Variants in KCNH8 observed in about 807,000 individuals in gnomAD.
KCNH8 encodes voltage-gated delayed rectifier potassium channel KCNH8.
Under a neutral mutation model 103.6 loss-of-function variants are expected in KCNH8, and 70 were observed. The observed-to-expected ratio is 0.68, with a 90% CI of 0.56 to 0.82. KCNH8 has a LOEUF of 0.82. Among genes scored for constraint, KCNH8 ranks in the 40% least tolerant of loss-of-function variants. The pLI, the probability that KCNH8 is intolerant of heterozygous loss-of-function variation, is 0.00. For missense variants in KCNH8, 1,217 were observed against 1,329.9 expected (o/e 0.92, Z 1.32); for synonymous variants, 498 against 489.4 (o/e 1.02, Z -0.23).
intron 1 of KCNH8, among the ~76,000 whole-genome samples, chr3:19,205,698 G>A (rs2063707706): frequency 6.6e-6 from 1 of 151,920 alleles, no homozygotes; most frequent in Non-Finnish European, 1.5e-5. Flanking sequence ...TCTGTGAAAA[G>A]TCTAAAAATA....
intron 5 of KCNH8, among the ~76,000 whole-genome samples, chr3:19,353,568 G>C (rs931780136): frequency 2.6e-5 from 4 of 152,110 alleles, no homozygotes; most frequent in South Asian, 4.1e-4. Context: ...GGGATGCAAG[G>C]CTTGTTCAAC....
chr3:19,232,557 A>G (rs2064008444), intron 1 of KCNH8, among the ~76,000 whole-genome samples: 1 of 152,200 alleles, frequency 6.6e-6, no homozygotes, highest in African/African-American at 2.4e-5. Context: ...TAAAAATTAG[A>G]AAAAGGTACT....
At chr3:19,499,648 A>G (rs1242425588) in intron 11 of KCNH8, among the ~76,000 whole-genome samples, 1 of 152,202 alleles carries the variant, frequency 6.6e-6, no homozygotes, top group East Asian at 1.9e-4. Context: ...ATTCTTAAGG[A>G]AAAGAATTTT....
At chr3:19,379,625 C>T (rs2125123548) in intron 5 of KCNH8, among the ~76,000 whole-genome samples, 1 of 150,334 alleles carries the variant, frequency 6.7e-6, no homozygotes, top group African/African-American at 2.5e-5. Flanking sequence ...GGTGACAGAG[C>T]AACACTCTGT....
At chr3:19,522,333 T>C (rs2068985858) in intron 15 of KCNH8, among the ~76,000 whole-genome samples, 2 of 151,616 alleles carry the variant, frequency 1.3e-5, no homozygotes, top group Non-Finnish European at 3.0e-5. Context: ...GCCAGTGGTG[T>C]CAGTTCCATT....
intron 1 of KCNH8, among the ~76,000 whole-genome samples, chr3:19,228,746 A>C (rs1416115486): frequency 1.3e-5 from 2 of 152,240 alleles, no homozygotes; most frequent in African/African-American, 4.8e-5. Flanking sequence ...AAAGCAGATA[A>C]AAAGTAGAAC....
At chr3:19,289,122 A>G (rs2064879834) in intron 3 of KCNH8, among the ~76,000 whole-genome samples, 2 of 152,022 alleles carry the variant, frequency 1.3e-5, no homozygotes, top group Non-Finnish European at 2.9e-5. Flanking sequence ...GATTCTGGAT[A>G]TTAGCCCTTT....
chr3:19,363,705 AG>A (rs894288106), intron 5 of KCNH8, among the ~76,000 whole-genome samples: 4 of 152,138 alleles, frequency 2.6e-5, no homozygotes, highest in African/African-American at 9.7e-5. Context: ...GCCCCCAAAA[AG>A]GTACTTTAAT....
intron 11 of KCNH8, among the ~76,000 whole-genome samples, chr3:19,479,602 C>T (rs1421289009): frequency 1.3e-5 from 2 of 152,100 alleles, no homozygotes; most frequent in African/African-American, 4.8e-5. Flanking sequence ...CCCATTACCA[C>T]CTGCCATGGG....
intron 7 of KCNH8, among the ~76,000 whole-genome samples, chr3:19,434,962 T>A (rs1167138537): frequency 6.6e-6 from 1 of 152,122 alleles, no homozygotes; most frequent in African/African-American, 2.4e-5. Flanking sequence ...ACGAGATAAC[T>A]ATACAAATGA....
At position 19,184,554 on chromosome 3, in the gene KCNH8, A is replaced by G. The variant is rs145287538; in HGVS notation, c.76+35759A>G. On this transcript the variant is annotated intron_variant, in intron 1 of 15. Transcript: ENST00000328405. ...TGGCTGACAAAAATACATTCTTTAT[A>G]ACTTTACGAATGATAATGATATTTC... Among the ~76,000 whole-genome samples, 13 of 152,156 alleles carry G rather than the reference A, an allele frequency of 8.5e-5. No homozygotes were observed. The East Asian group carries it at 2.5e-3, about 29-fold the overall frequency.
rs1404359742 is a variant in KCNH8, at chr3:19,451,183, G to A, written c.1604G>A (p.Arg535His). The change falls in exon 10 of 16, where the codon CGT becomes CAT. Residue 535 changes from arginine (R) to histidine (H), a missense_variant. By Grantham distance (29) the Arg-to-His change is conservative. This residue lies in a region of KCNH8 where 415 missense variants were observed against 577.4 expected (regional missense o/e 0.72). Transcript: ENST00000328405. ...ELLKDFPDEL[R>H]SDITMHLNKE... ...TTGAAAGACTTTCCAGATGAACTGC[G>A]TTCTGACATCACTATGCACTTGAAC... is the stretch of plus-strand genomic sequence containing the variant. The A allele has an allele frequency of 1.1e-5, 18 of 1,613,724 alleles. No individual in the cohort carries two copies. Among genetic ancestry groups the A allele is most frequent in the Non-Finnish European group, 1.4e-5 (16 of 1,179,746 alleles).
intron 3 of KCNH8, among the ~76,000 whole-genome samples, chr3:19,291,542 A>T (rs1436111535): frequency 2.0e-5 from 3 of 152,168 alleles, no homozygotes; most frequent in Non-Finnish European, 4.4e-5. Flanking sequence ...GTTTCCATGT[A>T]GTTGAGCGGT....
At chr3:19,233,169 T>C (rs2064017749) in intron 1 of KCNH8, among the ~76,000 whole-genome samples, 1 of 151,282 alleles carries the variant, frequency 6.6e-6, no homozygotes, top group Admixed American at 6.6e-5. Context: ...TGATTTGATC[T>C]TATTGCTACT....
At chr3:19,386,149 G>A (rs574954307) in intron 5 of KCNH8, among the ~76,000 whole-genome samples, 13 of 152,130 alleles carry the variant, frequency 8.5e-5, no homozygotes, top group African/African-American at 2.2e-4. Flanking sequence ...TTTTTAGTCC[G>A]CATAAATAGA....
At chr3:19,249,814 G>C (rs1045765191) in intron 1 of KCNH8, among the ~76,000 whole-genome samples, 5 of 152,036 alleles carry the variant, frequency 3.3e-5, no homozygotes, top group African/African-American at 1.2e-4. Flanking sequence ...CTTCTTCTTT[G>C]GGAAAGGAAG....
chr3:19,208,946 A>C (rs556777205), intron 1 of KCNH8, among the ~76,000 whole-genome samples: 4 of 152,020 alleles, frequency 2.6e-5, no homozygotes, highest in Non-Finnish European at 5.9e-5. Flanking sequence ...GATATTTTTC[A>C]TACTTTCCTT....
chr3:19,257,744 A>G (rs565330147), intron 2 of KCNH8, among the ~76,000 whole-genome samples: 1 of 152,056 alleles, frequency 6.6e-6, no homozygotes, highest in Non-Finnish European at 1.5e-5. Flanking sequence ...TATTATTGTG[A>G]TGTATTAGTT....
chr3:19,518,170 G>A (rs1182564970), intron 15 of KCNH8, 96 bp downstream of exon 15: 2 of 924,462 alleles, frequency 2.2e-6, no homozygotes, highest in Admixed American at 4.4e-5. Context: ...TTACAAGCAT[G>A]CATTCCAGAA....
Sources: gnomAD v4.1 joint callset for allele counts (sites outside exome capture counted in the v4.1 genomes callset) on GRCh38, gnomAD v4.1.1 for gene constraint, gnomAD v4.1.1 regional missense constraint, MANE v1.5 for transcripts, NCBI Gene and HGNC (gene_info 2026-07-23, HGNC 2026-07-21) for gene names.